The following ULK4 variants were observed in gnomAD, a reference collection of about 807,000 sequenced individuals.
ULK4 encodes the protein unc-51 like kinase 4.
In ULK4, 133 loss-of-function variants were observed where a neutral mutation model predicts 160.6. The ratio of observed to expected loss-of-function variants is 0.83; its 90% confidence interval spans 0.72 to 0.96. The LOEUF is 0.96. ULK4 is among the 40% of genes least tolerant of loss of function. ULK4 has a pLI of 0.00. For missense variants in ULK4, 1,580 were observed against 1,499.5 expected, an observed-to-expected ratio of 1.05 and a Z score of -0.89; for synonymous variants, 534 against 539.8, an observed-to-expected ratio of 0.99 and a Z score of 0.15.
At chr3:41,850,179 T>C (rs1263916682) in intron 17 of ULK4, among the ~76,000 whole-genome samples, 1 of 152,196 alleles carries the variant, frequency 6.6e-6, no homozygotes, top group Non-Finnish European at 1.5e-5. Context: ...CCATGGTGTA[T>C]ATGTGCCACA....
At chr3:41,922,907 CA>C (rs2148815399) in intron 5 of ULK4, among the ~76,000 whole-genome samples, 1 of 152,258 alleles carries the variant, frequency 6.6e-6, no homozygotes, top group African/African-American at 2.4e-5. Context: ...TGCGGTGCCT[CA>C]CACTTGTAAT....
At chr3:41,646,649 G>A (rs1252436093) in intron 30 of ULK4, among the ~76,000 whole-genome samples, 4 of 152,088 alleles carry the variant, frequency 2.6e-5, no homozygotes, top group African/African-American at 9.7e-5. Context: ...TTCAACTATG[G>A]TGAATCTGAC....
chr3:41,740,044 C>T lies in ULK4; in HGVS notation c.2321+14317G>A, dbSNP rs543182452. Among the ~76,000 whole-genome samples, 377 of 151,770 alleles carry T rather than the reference C, an allele frequency of 2.5e-3. 2 individuals carry two copies. The highest frequency in any genetic ancestry group is 4.2e-3 in the Non-Finnish European group (284 of 67,960). ...ATATGTAGCCAAACTATCAGTATTT[C>T]CTTTTATGGTTTATTTCATTGCTCT... On this transcript the variant is annotated intron_variant, in intron 22 of 36. Transcript: ENST00000301831.
At chr3:41,941,276 G>A (rs535378397) in intron 2 of ULK4, among the ~76,000 whole-genome samples, 6 of 133,678 alleles carry the variant, frequency 4.5e-5, no homozygotes, top group Admixed American at 3.4e-4. Context: ...GGGTTCAAAC[G>A]ATCCTCCCAC....
Position 41,653,586 on chromosome 3 carries a change from A to T in ULK4, c.3071+10021T>A, listed in dbSNP as rs544013504. Among the ~76,000 whole-genome samples, 14 of 152,364 alleles carry T rather than the reference A, an allele frequency of 9.2e-5. No homozygotes were observed. The South Asian group carries it at 2.9e-3, about 32-fold the overall frequency. ...CTAAAATTCCAATATTTCTGTGTTCACATGAATAAAGACCAAAAAGTTCTA... is the reference window on the plus strand; with the variant it reads ...CTAAAATTCCAATATTTCTGTGTTCTCATGAATAAAGACCAAAAAGTTCTA... On this transcript the variant is annotated intron_variant, in intron 30 of 36. Coordinates refer to ENST00000301831, the MANE Select transcript of ULK4 (RefSeq NM_017886.4).
intron 35 of ULK4, among the ~76,000 whole-genome samples, chr3:41,371,250 G>C (rs7640562): frequency 0.045 from 6,798 of 152,262 alleles, 363 homozygotes; most frequent in East Asian, 0.21. Flanking sequence ...TGCTTGCTGG[G>C]TCTGAAGAGA....
At chr3:41,535,140 A>T (rs1314755999) in intron 32 of ULK4, among the ~76,000 whole-genome samples, 2 of 152,210 alleles carry the variant, frequency 1.3e-5, no homozygotes, top group African/African-American at 4.8e-5. Flanking sequence ...GTACTGGTGC[A>T]TAAGAGCACT....
At chr3:41,815,388 T>C (rs1210823688) in intron 19 of ULK4, among the ~76,000 whole-genome samples, 1 of 152,274 alleles carries the variant, frequency 6.6e-6, no homozygotes, top group Non-Finnish European at 1.5e-5. Context: ...ATGGTTATTC[T>C]ATTGCTCTTG....
chr3:41,525,751 G>A (rs1239086529), intron 32 of ULK4, among the ~76,000 whole-genome samples: 1 of 152,150 alleles, frequency 6.6e-6, no homozygotes, highest in Non-Finnish European at 1.5e-5. Flanking sequence ...ATTTATTTAT[G>A]GAACATTGCT....
chr3:41,831,869 T>G (rs2041601869), intron 18 of ULK4, among the ~76,000 whole-genome samples: 1 of 152,112 alleles, frequency 6.6e-6, no homozygotes, highest in African/African-American at 2.4e-5. Flanking sequence ...GCCCTGCAAA[T>G]GATATGATCT....
chr3:41,425,405 C>A (rs2082755722), intron 34 of ULK4, among the ~76,000 whole-genome samples: 1 of 152,146 alleles, frequency 6.6e-6, no homozygotes, highest in South Asian at 2.1e-4. Context: ...ACTTCCCCAA[C>A]CTATCCAGAC....
At chr3:41,309,748 A>C (rs2080013718) in intron 35 of ULK4, among the ~76,000 whole-genome samples, 1 of 152,248 alleles carries the variant, frequency 6.6e-6, no homozygotes, top group African/African-American at 2.4e-5. Context: ...AGGTTTTATC[A>C]GTAAAAACCC....
At chr3:41,809,737 A>G (rs2040761900) in intron 19 of ULK4, among the ~76,000 whole-genome samples, 1 of 152,026 alleles carries the variant, frequency 6.6e-6, no homozygotes, top group African/African-American at 2.4e-5. Flanking sequence ...TTTAATATAT[A>G]TTTTCAATAT....
intron 32 of ULK4, among the ~76,000 whole-genome samples, chr3:41,540,372 CT>C (rs1292089656): frequency 6.6e-6 from 1 of 152,130 alleles, no homozygotes; most frequent in Non-Finnish European, 1.5e-5. Flanking sequence ...TGAACTCATT[CT>C]TTTTTATGGC....
At chr3:41,937,662 A>G (rs1342745896) in intron 3 of ULK4, among the ~76,000 whole-genome samples, 1 of 152,182 alleles carries the variant, frequency 6.6e-6, no homozygotes, top group African/African-American at 2.4e-5. Flanking sequence ...AGCAATAGCT[A>G]TAACTTGTTA....
intron 32 of ULK4, among the ~76,000 whole-genome samples, chr3:41,563,590 C>T (rs1469709714): frequency 3.9e-5 from 6 of 152,120 alleles, no homozygotes; most frequent in African/African-American, 1.2e-4. Context: ...CTTGTCTTCT[C>T]GCTTTATTTC....
At position 41,931,917 on chromosome 3, in the gene ULK4, C is replaced by G. The variant is rs376507506; in HGVS notation, c.468G>C (p.Leu156Phe). 16 of 1,613,932 alleles carry G rather than the reference C, an allele frequency of 9.9e-6. No individual in the cohort carries two copies. Among genetic ancestry groups the G allele is most frequent in the Non-Finnish European group, 1.4e-5 (16 of 1,180,012 alleles). Reference sequence around the variant, plus strand: ...CACCTCCTCCTTCCTCTGCTGCCACCAAAGCAAAGAACTCTTCCAAATTTT... The same window carrying G: ...CACCTCCTCCTTCCTCTGCTGCCACGAAAGCAAAGAACTCTTCCAAATTTT... Reference protein sequence around the residue: ...EGENLEEFFALVAAEEGGGDN... With the variant: ...EGENLEEFFAFVAAEEGGGDN... The change falls in exon 5 of 37, where the codon TTG becomes TTC. Residue 156 changes from leucine to phenylalanine, a missense_variant. Transcript: ENST00000301831.
chr3:41,886,383 A>G (rs971515652), intron 16 of ULK4, among the ~76,000 whole-genome samples: 6 of 152,184 alleles, frequency 3.9e-5, no homozygotes, highest in Non-Finnish European at 1.5e-5. Flanking sequence ...TTGAATAAAT[A>G]TATCAACATC....
chr3:41,514,115 G>A (rs752769803), intron 32 of ULK4, among the ~76,000 whole-genome samples: 3 of 151,958 alleles, frequency 2.0e-5, no homozygotes, highest in Non-Finnish European at 4.4e-5. Context: ...ATTTTTAATG[G>A]ATTGTTTAAA....
Sources: allele counts gnomAD v4.1 joint callset (sites outside exome capture counted in the v4.1 genomes callset), GRCh38; gene constraint gnomAD v4.1.1; transcripts MANE v1.5; gene names NCBI Gene and HGNC (gene_info 2026-07-23, HGNC 2026-07-21).